The following G2E3 variants were observed in gnomAD, a reference collection of about 807,000 sequenced individuals.
The protein encoded by G2E3 is G2/M-phase specific E3 ubiquitin protein ligase.
In G2E3, 35 loss-of-function variants were observed where a neutral mutation model predicts 92.8. The ratio of observed to expected loss-of-function variants is 0.38; its 90% CI spans 0.29 to 0.50. The LOEUF is 0.50. G2E3 is among the 20% of genes least tolerant of loss of function. The probability of loss-of-function intolerance (pLI) is 0.94; values close to 1 mark genes in which losing one functional copy is unlikely to be tolerated. For synonymous variants in G2E3, 242 were observed against 272.4 expected (o/e 0.89, Z 1.10); for missense variants, 554 against 823.8 (o/e 0.67, Z 4.01).
At chr14:30,601,337 A>G (rs1264566912) in intron 8 of G2E3, among the ~76,000 whole-genome samples, 1 of 152,212 alleles carries the variant, frequency 6.6e-6, no homozygotes, top group Non-Finnish European at 1.5e-5. Flanking sequence ...GTTGAACTGC[A>G]CAATACCTGA....
chr14:30,601,752 T>C lies in G2E3; in HGVS notation c.753-18T>C, dbSNP rs1881578217. ...AATAATAACAAAATGTAAGTTCTGC[T>C]TTTCTTTGTGTCCTCAGCAAATGGG... On this transcript the variant is annotated intron_variant, in intron 8 of 14. Transcript: ENST00000206595. The C allele has an allele frequency of 6.2e-7, 1 of 1,613,610 alleles. No individual in the cohort carries two copies. Among genetic ancestry groups the C allele is most frequent in the Non-Finnish European group, 8.5e-7 (1 of 1,179,700 alleles).
At chr14:30,579,928 G>C (rs1235283809) in intron 1 of G2E3, among the ~76,000 whole-genome samples, 1 of 152,180 alleles carries the variant, frequency 6.6e-6, no homozygotes. Context: ...TACCCTTGGT[G>C]AAGTGAAACT....
intron 2 of G2E3, among the ~76,000 whole-genome samples, chr14:30,585,080 C>T (rs1339799313): frequency 2.6e-5 from 4 of 152,104 alleles, no homozygotes; most frequent in East Asian, 1.9e-4. Flanking sequence ...GTGATCTGCC[C>T]GCCTGGGCCT....
intron 6 of G2E3, among the ~76,000 whole-genome samples, chr14:30,594,223 A>T (rs1881157678): frequency 6.6e-6 from 1 of 152,226 alleles, no homozygotes; most frequent in Admixed American, 6.5e-5. Context: ...GATTCTGAAA[A>T]TACTTGAAAA....
At chr14:30,598,641 A>T (rs1427366240) in intron 8 of G2E3, 42 bp downstream of exon 8, 1 of 1,198,170 alleles carries the variant, frequency 8.3e-7, no homozygotes, top group African/African-American at 1.5e-5. Context: ...TTCCTTGTTT[A>T]AACCTTCTGC....
At chr14:30,598,676 T>A (rs1247080893) in intron 8 of G2E3, 77 bp downstream of exon 8, 2 of 922,364 alleles carry the variant, frequency 2.2e-6, no homozygotes, top group Non-Finnish European at 3.6e-6. Flanking sequence ...TTATAGTTAG[T>A]GAAACGTAGT....
Position 30,601,689 on chromosome 14 carries a change from A to G in G2E3, c.753-81A>G. ...GGTGTGTGCGTGTTTGTGTGTAAGA[A>G]GGCAGGCCCTGTGGACATTGCTAGT... On this transcript the variant is annotated intron_variant, in intron 8 of 14. Transcript: ENST00000206595. The G allele has an allele frequency of 5.2e-6, 7 of 1,355,394 alleles. No homozygotes were observed. In the East Asian group the frequency reaches 1.4e-4, roughly 27 times the overall value. The allele number at this position is 1,355,394 out of a possible 1,614,324, so 84.0% of individuals were successfully genotyped here.
At chr14:30,605,836 A>T in intron 11 of G2E3, 24 bp downstream of exon 11, 1 of 1,203,034 alleles carries the variant, frequency 8.3e-7, no homozygotes, top group Non-Finnish European at 1.2e-6. Context: ...TTATTGTTGT[A>T]TATACCAAAT....
At chr14:30,579,831 A>G (rs1880327627) in intron 1 of G2E3, among the ~76,000 whole-genome samples, 2 of 152,114 alleles carry the variant, frequency 1.3e-5, no homozygotes, top group Admixed American at 6.5e-5. Flanking sequence ...TGGCATTATT[A>G]TGTTTTATTC....
At chr14:30,574,884 A>AT (rs1879984245) in intron 1 of G2E3, among the ~76,000 whole-genome samples, 1 of 152,136 alleles carries the variant, frequency 6.6e-6, no homozygotes, top group Non-Finnish European at 1.5e-5. Flanking sequence ...TGCAGTGAAC[A>AT]TTTGTGTGCA....
intron 1 of G2E3, chr14:30,560,806 A>G: frequency 1.4e-6 from 1 of 702,156 alleles, no homozygotes; most frequent in Non-Finnish European, 2.6e-6. Context: ...GTAGGTCTGG[A>G]GGATGGCATT....
intron 1 of G2E3, among the ~76,000 whole-genome samples, chr14:30,572,713 T>C (rs931176932): frequency 5.9e-5 from 9 of 152,280 alleles, no homozygotes; most frequent in African/African-American, 1.9e-4. Flanking sequence ...AGTTAAGATA[T>C]ATTATCCTTT....
chr14:30,560,744 G>C (rs1594452725), intron 1 of G2E3: 1 of 698,916 alleles, frequency 1.4e-6, no homozygotes, highest in African/African-American at 1.8e-5. Context: ...TACCTTGAAG[G>C]ATTTGTTCAA....
intron 4 of G2E3, 118 bp downstream of exon 4, chr14:30,589,602 T>C (rs1566538440): frequency 3.3e-6 from 2 of 597,742 alleles, no homozygotes; most frequent in Non-Finnish European, 3.0e-6. Context: ...TCAATGCATA[T>C]TTTGTCATTT....
intron 11 of G2E3, among the ~76,000 whole-genome samples, chr14:30,607,574 C>G (rs1881889779): frequency 6.6e-6 from 1 of 152,090 alleles, no homozygotes; most frequent in African/African-American, 2.4e-5. Context: ...TAGGGACCAC[C>G]TTAGTGTATT....
At position 30,562,058 on chromosome 14, in the gene G2E3, CACTT is replaced by C. The variant is rs532361602; in HGVS notation, c.-5+2788_-5+2791del. 2.2e-4 allele frequency among the ~76,000 whole-genome samples: 34 copies of C among 152,180 alleles called. No individual in the cohort carries two copies. In the East Asian group the frequency reaches 2.3e-3, roughly 10 times the overall value. ...TTAAAATGCTTTATACATATTTTCT[CACTT>C]AATCCTCACAACCATTTTATTATCT... On this transcript the variant is annotated intron_variant, in intron 1 of 14. Coordinates refer to ENST00000206595, the MANE Select transcript of G2E3 (RefSeq NM_017769.5).
intron 3 of G2E3, 130 bp from the exon 4 acceptor site, chr14:30,589,253 A>G (rs1238924554): frequency 6.8e-6 from 4 of 588,578 alleles, no homozygotes; most frequent in East Asian, 2.7e-5. Flanking sequence ...AATAACTACT[A>G]TAGATAACTA....
At chr14:30,577,223 C>CAAAAAAAAAA (rs59757142) in intron 1 of G2E3, among the ~76,000 whole-genome samples, 1 of 80,762 alleles carries the variant, frequency 1.2e-5, no homozygotes, top group African/African-American at 4.2e-5. Flanking sequence ...GACTCTGTCT[C>CAAAAAAAAAA]AAAAAAAAAA....
At chr14:30,591,297 T>A (rs1239599086) in intron 4 of G2E3, among the ~76,000 whole-genome samples, 2 of 152,124 alleles carry the variant, frequency 1.3e-5, no homozygotes, top group Non-Finnish European at 2.9e-5. Context: ...TTAATTGCCG[T>A]CTTAAGGGTT....
Sources: allele counts gnomAD v4.1 joint callset (sites outside exome capture counted in the v4.1 genomes callset), GRCh38; gene constraint gnomAD v4.1.1; transcripts MANE v1.5; gene names NCBI Gene and HGNC (gene_info 2026-07-23, HGNC 2026-07-21).